PCDHA9: variants seen among roughly 807,000 people sequenced by gnomAD.
PCDHA9 encodes the protein protocadherin alpha-9.
Under a neutral mutation model 62.0 loss-of-function variants are expected in PCDHA9, and 62 were observed. The ratio of observed to expected loss-of-function variants is 1.00; its 90% CI spans 0.81 to 1.23. The LOEUF (loss-of-function observed/expected upper bound fraction) is 1.23, where lower values mean the gene tolerates loss of function less well. PCDHA9 is among the 50% of genes most tolerant of loss of function. The probability of loss-of-function intolerance (pLI) is 0.00; values close to 1 mark genes in which losing one functional copy is unlikely to be tolerated. For missense variants in PCDHA9, 1,205 were observed against 1,249.8 expected, an observed-to-expected ratio of 0.96 and a Z score of 0.54; for synonymous variants, 557 against 567.6, an observed-to-expected ratio of 0.98 and a Z score of 0.27.
At chr5:140,856,128 G>C in intron 1 of PCDHA9, 1 of 1,598,140 alleles carries the variant, frequency 6.3e-7, no homozygotes, top group Non-Finnish European at 8.6e-7. Context: ...GAGGTGGGGA[G>C]CGGCCAGCTC....
At chr5:140,972,101 A>C (rs114554334) in intron 1 of PCDHA9, among the ~76,000 whole-genome samples, 3,080 of 152,290 alleles carry the variant, frequency 0.02, 42 homozygotes, top group Middle Eastern at 0.075. Flanking sequence ...CTGGCATAGA[A>C]GCAGGTAACA....
intron 1 of PCDHA9, among the ~76,000 whole-genome samples, chr5:140,898,839 A>C (rs2066999324): frequency 6.6e-6 from 1 of 152,280 alleles, no homozygotes; most frequent in East Asian, 1.9e-4. Flanking sequence ...ATGTTCTTCC[A>C]TTTCTTTGTA....
chr5:140,856,271 G>T lies in PCDHA9; in HGVS notation c.2394+5382G>T, dbSNP rs782472888. On this transcript the variant is annotated intron_variant, in intron 1 of 3. Coordinates refer to ENST00000532602, the MANE Select transcript of PCDHA9 (RefSeq NM_031857.2). ...GTCCAAAAGACACGGGGACCTTCTG[G>T]AGGTAAATCTGCAGAATGGCATTTT... 7 of 1,598,148 alleles carry T rather than the reference G, an allele frequency of 4.4e-6. 1 individual carries two copies. The highest frequency in any genetic ancestry group is 6.0e-6 in the Non-Finnish European group (7 of 1,167,948).
chr5:140,972,758 A>G lies in PCDHA9; in HGVS notation c.2395-6191A>G, dbSNP rs563540989. Among the ~76,000 whole-genome samples, 16 of 150,884 alleles carry G rather than the reference A, an allele frequency of 1.1e-4. No individual in the cohort carries two copies. In the South Asian group the frequency reaches 3.4e-3, roughly 32 times the overall value. On this transcript the variant is annotated intron_variant, in intron 1 of 3. Transcript: ENST00000532602. ...GGCTCACTGCAACCTCCGCCTCCCA[A>G]GTTAAAGTGATTCTTCTGCCTCAGC...
At chr5:140,856,242 T>C (rs1202551683) in intron 1 of PCDHA9, 3 of 1,597,874 alleles carry the variant, frequency 1.9e-6, no homozygotes, top group Admixed American at 1.7e-5. Flanking sequence ...CTGTTCCGGG[T>C]GGCGTCCAAA....
In PCDHA9 at chr5:141,010,893, A is replaced by G. The variant is rs76323061; in HGVS notation, c.*956A>G. On this transcript the variant is annotated 3_prime_UTR_variant, in exon 4 of 4. Transcript: ENST00000532602. ...TAAATCTTTAAAGAGAAATATGAAT[A>G]CAATTCCCCTAAACTCTCCTCAAAA... is the stretch of plus-strand genomic sequence containing the variant. 0.018 allele frequency: 2,808 copies of G among 153,906 alleles called. 48 individuals are homozygous for G. The highest frequency in any genetic ancestry group is 0.029 in the Non-Finnish European group (1,995 of 68,040). 9.5% of individuals were successfully genotyped at this position (153,906 alleles called of 1,614,324 possible).
chr5:140,928,672 GC>G (rs1466783332), intron 1 of PCDHA9: 1 of 1,614,058 alleles, frequency 6.2e-7, no homozygotes, highest in East Asian at 2.2e-5. Flanking sequence ...TGGTTCTAAT[GC>G]CTGGCTTTCC....
At chr5:140,882,050 T>TA (rs1260382802) in intron 1 of PCDHA9, 7 of 756,632 alleles carry the variant, frequency 9.3e-6, no homozygotes, top group African/African-American at 3.5e-5. Context: ...GAGTCATACT[T>TA]ACACTTACAC....
At chr5:140,953,062 C>A (rs2094842577) in intron 1 of PCDHA9, among the ~76,000 whole-genome samples, 1 of 152,160 alleles carries the variant, frequency 6.6e-6, no homozygotes, top group East Asian at 1.9e-4. Context: ...CTCTCACAGG[C>A]CCCATCTCCA....
At chr5:140,949,264 G>T (rs139292588) in intron 1 of PCDHA9, among the ~76,000 whole-genome samples, 2 of 151,666 alleles carry the variant, frequency 1.3e-5, no homozygotes, top group African/African-American at 2.4e-5. Flanking sequence ...AACATATCAC[G>T]TGCACTTGAA....
chr5:140,922,700 A>G (rs1447566146), intron 1 of PCDHA9, among the ~76,000 whole-genome samples: 1 of 152,256 alleles, frequency 6.6e-6, no homozygotes, highest in Non-Finnish European at 1.5e-5. Context: ...GCTTCCATAC[A>G]GTCAAGAACA....
At chr5:140,946,826 G>A (rs1161316537) in intron 1 of PCDHA9, among the ~76,000 whole-genome samples, 1 of 151,404 alleles carries the variant, frequency 6.6e-6, no homozygotes, top group African/African-American at 2.4e-5. Context: ...TACCAGAGAT[G>A]GGTAGGGCAG....
intron 1 of PCDHA9, among the ~76,000 whole-genome samples, chr5:140,902,478 T>C (rs190206747): frequency 6.6e-6 from 1 of 152,312 alleles, no homozygotes; most frequent in African/African-American, 2.4e-5. Context: ...AGTTTTTGCC[T>C]GCTCAGTATG....
chr5:140,869,766 G>A (rs782388204), intron 1 of PCDHA9: 2 of 1,613,210 alleles, frequency 1.2e-6, no homozygotes, highest in Non-Finnish European at 1.7e-6. Flanking sequence ...GAAAACCAGA[G>A]CTTACTGGCA....
At chr5:140,992,205 T>C (rs2097498733) in intron 3 of PCDHA9, among the ~76,000 whole-genome samples, 1 of 152,186 alleles carries the variant, frequency 6.6e-6, no homozygotes, top group South Asian at 2.1e-4. Flanking sequence ...TCCAATCAGA[T>C]AAACTACTCT....
chr5:140,883,447 C>A, intron 1 of PCDHA9: 1 of 1,614,168 alleles, frequency 6.2e-7, no homozygotes. Context: ...CGCCGCATGT[C>A]CCCTTCAAGC....
chr5:140,928,994 T>C, intron 1 of PCDHA9: 1 of 1,613,992 alleles, frequency 6.2e-7, no homozygotes. Context: ...TGCTTACTTT[T>C]CTTCGTGTGT....
At chr5:140,900,422 C>G (rs1422913254) in intron 1 of PCDHA9, among the ~76,000 whole-genome samples, 1 of 152,142 alleles carries the variant, frequency 6.6e-6, no homozygotes, top group East Asian at 1.9e-4. Context: ...GGATTATAGG[C>G]ACGTGCCACC....
At chr5:140,959,602 CT>C (rs1554224184) in intron 1 of PCDHA9, among the ~76,000 whole-genome samples, 1 of 152,008 alleles carries the variant, frequency 6.6e-6, no homozygotes, top group Admixed American at 6.6e-5. Flanking sequence ...GTATAACATG[CT>C]TTTCTTGCTT....
Sources: gnomAD v4.1 joint callset for allele counts (sites outside exome capture counted in the v4.1 genomes callset) on GRCh38, gnomAD v4.1.1 for gene constraint, MANE v1.5 for transcripts, NCBI Gene and HGNC (gene_info 2026-07-23, HGNC 2026-07-21) for gene names.